Variants in STMN4 observed in about 807,000 individuals in gnomAD.
The protein encoded by STMN4 is stathmin-4.
STMN4 carries 12 observed loss-of-function variants against 29.1 expected under a neutral mutation model. That is an observed-to-expected ratio of 0.41 (90% CI 0.26 to 0.67). The LOEUF (loss-of-function observed/expected upper bound fraction) is 0.67. STMN4 is among the 30% of genes least tolerant of loss of function. STMN4 has a pLI of 0.30. For missense variants in STMN4, 181 were observed against 262.8 expected (o/e 0.69, Z 2.15); for synonymous variants, 114 against 105.3 (o/e 1.08, Z -0.51).
In STMN4 at chr8:27,236,743, C is replaced by G. The variant is rs556247800; in HGVS notation, c.*103G>C. On this transcript the variant is annotated 3_prime_UTR_variant, in exon 7 of 7. Coordinates refer to ENST00000350889, the MANE Select transcript of STMN4 (RefSeq NM_030795.4). The stretch of plus-strand genomic sequence containing the variant: ...ACGCCCCTTGGCCACCCCCCTCCCC[C>G]CAAACCCCAGTGCTGGGAGCGCAGC... 6 of 1,154,494 alleles carry G rather than the reference C, an allele frequency of 5.2e-6. No homozygotes were observed. The highest frequency in any genetic ancestry group is 7.1e-6 in the Non-Finnish European group (6 of 849,818). 71.5% of individuals were successfully genotyped at this position (1,154,494 alleles called of 1,614,324 possible).
chr8:27,236,890 C>T lies in STMN4; in HGVS notation c.607G>A (p.Glu203Lys). The T allele has an allele frequency of 6.2e-7, 1 of 1,608,454 alleles. No homozygotes were observed. Among genetic ancestry groups the T allele is most frequent in the East Asian group, 2.3e-5 (1 of 44,366 alleles). The change falls in exon 7 of 7, where the codon GAG becomes AAG. Residue 203 changes from glutamate (E) to lysine (K), a missense_variant. Physicochemically the swap from Glu to Lys is moderately conservative, Grantham distance 56. Transcript: ENST00000350889. ...RLQEKDKHAEEVRKNKELKEE... is the reference protein window; with the variant it reads ...RLQEKDKHAEKVRKNKELKEE... ...TTCAGCTCCTTGTTTTTCCGCACCTCCTCGGCGTGCTTGTCCTGGAAAGGA... is the reference window on the plus strand; with the variant it reads ...TTCAGCTCCTTGTTTTTCCGCACCTTCTCGGCGTGCTTGTCCTGGAAAGGA...
chr8:27,249,296 G>A (rs1801717688), intron 1 of STMN4, among the ~76,000 whole-genome samples: 1 of 152,186 alleles, frequency 6.6e-6, no homozygotes, highest in Non-Finnish European at 1.5e-5. Flanking sequence ...GAGATGGAGA[G>A]AACAGGCAAT....
At chr8:27,246,842 G>A (rs745923035) in intron 1 of STMN4, among the ~76,000 whole-genome samples, 2 of 152,212 alleles carry the variant, frequency 1.3e-5, no homozygotes, top group Non-Finnish European at 2.9e-5. Context: ...TAGTGGTAAA[G>A]TGATGCAGTA....
At position 27,236,877 on chromosome 8, in the gene STMN4, T is replaced by C; in HGVS notation, c.620A>G (p.Asn207Ser). The change falls in exon 7 of 7, where the codon AAC (asparagine) becomes AGC (serine). Residue 207 changes from asparagine (N) to serine (S), a missense_variant. Physicochemically the swap from Asn to Ser is conservative, Grantham distance 46. Coordinates refer to ENST00000350889, the MANE Select transcript of STMN4 (RefSeq NM_030795.4). Reference protein sequence around the residue: ...KDKHAEEVRKNKELKEEASR With the variant: ...KDKHAEEVRKSKELKEEASR ...GGAGGCCTCTTCCTTCAGCTCCTTG[T>C]TTTTCCGCACCTCCTCGGCGTGCTT... The C allele has an allele frequency of 6.2e-7, 1 of 1,608,182 alleles. No individual in the cohort carries two copies. The highest frequency in any genetic ancestry group is 8.5e-7 in the Non-Finnish European group (1 of 1,177,650).
chr8:27,251,373 C>T (rs1801781299), intron 1 of STMN4, among the ~76,000 whole-genome samples: 1 of 150,514 alleles, frequency 6.6e-6, no homozygotes, highest in African/African-American at 2.4e-5. Context: ...ATCAGCATCA[C>T]AGAAGTCAAG....
chr8:27,241,740 A>G lies in STMN4; in HGVS notation c.127T>C (p.Cys43Arg), dbSNP rs778653498. The change falls in exon 4 of 7, where the codon TGT (cysteine) becomes CGT (arginine). Residue 43 changes from cysteine (C) to arginine (R), a missense_variant. Transcript: ENST00000350889. ...CGCTGGCTTTCATCCTTCCTCCTAC[A>G]CTGTCTCCCACACCAGCCTAGACAG... Reference protein sequence around the residue: ...YKYEGWCGRQCRRKDESQRKD... With the variant: ...YKYEGWCGRQRRRKDESQRKD... The G allele has an allele frequency of 1.2e-6, 2 of 1,613,748 alleles. No homozygotes were observed. The highest frequency in any genetic ancestry group is 1.3e-5 in the African/African-American group (1 of 74,824).
chr8:27,243,933 C>T, intron 1 of STMN4, 132 bp from the exon 2 acceptor site: 1 of 764,236 alleles, frequency 1.3e-6, no homozygotes, highest in Non-Finnish European at 2.1e-6. Context: ...CCTCTCCCCA[C>T]CAACTCTCCC....
At position 27,236,308 on chromosome 8, in the gene STMN4, G is replaced by A. The variant is rs1585999431; in HGVS notation, c.*538C>T. On this transcript the variant is annotated 3_prime_UTR_variant, in exon 7 of 7. Transcript: ENST00000350889. ...AAAGAACTGGACACTTGGAGTCAAT[G>A]TTTCATTGGTCATGATGATCAAAAA... The A allele has an allele frequency of 6.6e-6, 1 of 152,484 alleles. No homozygotes were observed. Among genetic ancestry groups the A allele is most frequent in the Non-Finnish European group, 1.5e-5 (1 of 68,048 alleles). The allele number at this position is 152,484 out of a possible 1,614,324, so 9.4% of individuals were successfully genotyped here. A position where few individuals can be genotyped will look rare whatever the true frequency, so the allele number is the denominator to read the frequency against.
intron 1 of STMN4, among the ~76,000 whole-genome samples, chr8:27,251,075 C>T (rs1801767780): frequency 6.6e-6 from 1 of 151,948 alleles, no homozygotes; most frequent in African/African-American, 2.4e-5. Context: ...GGTGAAACCC[C>T]ATCTCTACTA....
At chr8:27,253,143 G>A (rs969391472) in intron 1 of STMN4, among the ~76,000 whole-genome samples, 11 of 152,214 alleles carry the variant, frequency 7.2e-5, no homozygotes, top group African/African-American at 2.7e-4. Context: ...GAGGAGACAA[G>A]GAGCCCAAGA....
chr8:27,251,519 A>G (rs1801785887), intron 1 of STMN4, among the ~76,000 whole-genome samples: 2 of 151,768 alleles, frequency 1.3e-5, no homozygotes, highest in Non-Finnish European at 1.5e-5. Context: ...CTTACTCCCA[A>G]TAACAACAAT....
intron 1 of STMN4, among the ~76,000 whole-genome samples, chr8:27,244,789 G>C (rs1801579287): frequency 1.3e-5 from 2 of 152,178 alleles, no homozygotes; most frequent in African/African-American, 4.8e-5. Context: ...GTCAGGGAAG[G>C]AGCAGATCTG....
At position 27,236,565 on chromosome 8, in the gene STMN4, C is replaced by T. The variant is rs916517474; in HGVS notation, c.*281G>A. 1.8e-5 allele frequency: 5 copies of T among 284,260 alleles called. No individual in the cohort carries two copies. The highest frequency in any genetic ancestry group is 2.6e-5 in the Non-Finnish European group (4 of 152,934). 17.6% of individuals were successfully genotyped at this position (284,260 alleles called of 1,614,324 possible). ...AGAGATGTGAAAATCAGATCTGCGC[C>T]GGGCAGGGTTGCAATGTCCTTGAGT... is the stretch of plus-strand genomic sequence containing the variant. On this transcript the variant is annotated 3_prime_UTR_variant, in exon 7 of 7. Transcript: ENST00000350889.
chr8:27,253,554 C>A (rs564526654), intron 1 of STMN4, among the ~76,000 whole-genome samples: 121 of 152,314 alleles, frequency 7.9e-4, no homozygotes, highest in Non-Finnish European at 1.3e-3. Flanking sequence ...ATGCAAAGCA[C>A]TAGGGATCCA....
intron 1 of STMN4, among the ~76,000 whole-genome samples, chr8:27,252,958 T>G (rs1364560025): frequency 1.3e-5 from 2 of 152,238 alleles, no homozygotes; most frequent in African/African-American, 4.8e-5. Flanking sequence ...CCTGTTAAAA[T>G]GCACACAACT....
rs750260099 is a variant in STMN4 at position 27,241,110 on chromosome 8, C to T, written c.343G>A (p.Asp115Asn). The stretch of plus-strand genomic sequence containing the variant: ...TTCTGGATCTCTTCCAGGGATGGGT[C>T]TCGCCGCCTTGGCAGGGAGGCGTTG... ...EFNASLPRRR[D>N]PSLEEIQKKL... is the part of the protein sequence containing the mutation. Residue 115 changes from aspartate (D) to asparagine (N), a missense_variant, in exon 5 of 7, where the codon GAC (aspartate) becomes AAC (asparagine). Coordinates refer to ENST00000350889, the MANE Select transcript of STMN4 (RefSeq NM_030795.4). 6.2e-7 allele frequency: 1 copy of T among 1,614,072 alleles called. No homozygotes were observed. The highest frequency in any genetic ancestry group is 8.5e-7 in the Non-Finnish European group (1 of 1,180,020).
rs569369378 is a variant in STMN4, at chr8:27,241,481, G to C, written c.190+196C>G. Among the ~76,000 whole-genome samples, 3 of 152,298 alleles carry C rather than the reference G, an allele frequency of 2.0e-5. No homozygotes were observed. In the East Asian group the frequency reaches 5.8e-4, roughly 29 times the overall value. On this transcript the variant is annotated intron_variant, in intron 4 of 6. Coordinates refer to ENST00000350889, the MANE Select transcript of STMN4 (RefSeq NM_030795.4). ...TGAGGCTTCAGCCTGCAAGAATAGG[G>C]GGCCCCAGGCAATGTGATTTCCTAC...
intron 1 of STMN4, 110 bp from the exon 2 acceptor site, chr8:27,243,911 C>G: frequency 1.0e-6 from 1 of 987,586 alleles, no homozygotes; most frequent in Non-Finnish European, 1.5e-6. Context: ...CTCATTTGCT[C>G]TTCCTCCAGG....
intron 3 of STMN4, 85 bp downstream of exon 3, chr8:27,242,312 G>C (rs952839932): frequency 7.5e-5 from 98 of 1,304,528 alleles, no homozygotes; most frequent in Non-Finnish European, 9.3e-5. Flanking sequence ...AGAGATTCAC[G>C]GGACTGGGGT....
Sources: gnomAD v4.1 joint callset for allele counts (sites outside exome capture counted in the v4.1 genomes callset) on GRCh38, gnomAD v4.1.1 for gene constraint, MANE v1.5 for transcripts, NCBI Gene and HGNC (gene_info 2026-07-23, HGNC 2026-07-21) for gene names.